The following AUTS2 variants were observed in gnomAD, a reference collection of about 807,000 sequenced individuals.
AUTS2 encodes the protein activator of transcription and developmental regulator AUTS2.
Under a neutral mutation model 112.4 loss-of-function variants are expected in AUTS2, and 17 were observed. The ratio of observed to expected loss-of-function variants is 0.15; its 90% CI spans 0.10 to 0.23. The LOEUF (loss-of-function observed/expected upper bound fraction) is 0.23. AUTS2 is among the 10% of genes least tolerant of loss of function. The pLI is 1.00. For missense variants in AUTS2, 1,510 were observed against 1,701.6 expected (o/e 0.89, Z 1.98); for synonymous variants, 751 against 702.7 (o/e 1.07, Z -1.09).
chr7:70,431,310 TTACAAAAATG>T (rs2130819415), intron 4 of AUTS2, among the ~76,000 whole-genome samples: 1 of 152,378 alleles, frequency 6.6e-6, no homozygotes, highest in East Asian at 1.9e-4. Flanking sequence ...CTGGAAAGAC[TTACAAAAATG>T]TATTAACAGT....
In AUTS2 at chr7:70,725,048, G is replaced by T. The variant is rs1328248349; in HGVS notation, c.742+26428G>T. ...TGTGTCTTAGAAATGAAGAACTATG[G>T]TACATTTATGTAGGATATGATATCA... On this transcript the variant is annotated intron_variant, in intron 6 of 18. Transcript: ENST00000342771. 2.6e-5 allele frequency among the ~76,000 whole-genome samples: 4 copies of T among 152,150 alleles called. No homozygotes were observed. In the East Asian group the frequency reaches 7.7e-4, roughly 29 times the overall value.
intron 4 of AUTS2, among the ~76,000 whole-genome samples, chr7:70,206,517 C>T (rs902128905): frequency 1.3e-5 from 2 of 152,108 alleles, no homozygotes; most frequent in Admixed American, 6.5e-5. Context: ...GGAATTTCAG[C>T]CTCTTAAGTA....
At chr7:69,715,626 A>G (rs1378853364) in intron 1 of AUTS2, among the ~76,000 whole-genome samples, 1 of 152,194 alleles carries the variant, frequency 6.6e-6, no homozygotes, top group Admixed American at 6.5e-5. Context: ...GAGTCAGCGT[A>G]GGCAGTCAAA....
intron 1 of AUTS2, among the ~76,000 whole-genome samples, chr7:69,731,469 A>G (rs1786790357): frequency 6.6e-6 from 1 of 152,174 alleles, no homozygotes; most frequent in African/African-American, 2.4e-5. Context: ...AAGAAAATGT[A>G]TGTGAAATAT....
At chr7:70,743,747 T>C (rs1369216053) in intron 6 of AUTS2, among the ~76,000 whole-genome samples, 1 of 152,142 alleles carries the variant, frequency 6.6e-6, no homozygotes. Flanking sequence ...GTGGGTCTTA[T>C]TTTGTTTACA....
At chr7:70,300,033 G>C (rs748121090) in intron 4 of AUTS2, among the ~76,000 whole-genome samples, 2 of 152,060 alleles carry the variant, frequency 1.3e-5, no homozygotes, top group Non-Finnish European at 2.9e-5. Context: ...TCATTTTATA[G>C]ATACACACAT....
chr7:70,785,841 C>G (rs995724835), intron 16 of AUTS2, 114 bp from the exon 17 acceptor site: 5 of 922,826 alleles, frequency 5.4e-6, no homozygotes, highest in Non-Finnish European at 6.8e-6. Context: ...TGGGACAGGC[C>G]AGGTGGGGGC....
chr7:69,848,914 A>G (rs916041600), intron 1 of AUTS2, among the ~76,000 whole-genome samples: 13 of 152,172 alleles, frequency 8.5e-5, no homozygotes, highest in Non-Finnish European at 1.6e-4. Flanking sequence ...TTGACTAAAT[A>G]ATCTTCAGAA....
chr7:70,457,002 A>C (rs1796767382), intron 5 of AUTS2, among the ~76,000 whole-genome samples: 1 of 152,316 alleles, frequency 6.6e-6, no homozygotes, highest in Non-Finnish European at 1.5e-5. Context: ...ACCCCCAAGC[A>C]GGTGCTTGAT....
At chr7:69,830,008 T>A (rs756269670) in intron 1 of AUTS2, among the ~76,000 whole-genome samples, 1 of 152,158 alleles carries the variant, frequency 6.6e-6, no homozygotes, top group Non-Finnish European at 1.5e-5. Flanking sequence ...AGTGATAGAC[T>A]GGATAAAGAA....
intron 1 of AUTS2, among the ~76,000 whole-genome samples, chr7:69,680,231 A>G (rs893298223): frequency 6.6e-6 from 1 of 152,242 alleles, no homozygotes; most frequent in Non-Finnish European, 1.5e-5. Flanking sequence ...ATTTATGAAT[A>G]CTTAAGTATG....
intron 1 of AUTS2, among the ~76,000 whole-genome samples, chr7:69,608,283 G>A (rs1792839946): frequency 6.6e-6 from 1 of 152,172 alleles, no homozygotes; most frequent in African/African-American, 2.4e-5. Context: ...CTGAGACTGA[G>A]TTTTAGTCAT....
intron 4 of AUTS2, among the ~76,000 whole-genome samples, chr7:70,380,375 G>A (rs1793312532): frequency 6.6e-6 from 1 of 152,172 alleles, no homozygotes; most frequent in African/African-American, 2.4e-5. Flanking sequence ...TGCATATGTT[G>A]GTTCTTATTT....
chr7:70,692,566 G>T (rs1313610386), intron 5 of AUTS2, among the ~76,000 whole-genome samples: 1 of 152,150 alleles, frequency 6.6e-6, no homozygotes, highest in East Asian at 1.9e-4. Context: ...CTTCTGAGAT[G>T]CCTTTTCTTT....
In AUTS2 at chr7:70,027,706, A is replaced by G. The variant is rs529916892; in HGVS notation, c.523-90426A>G. On this transcript the variant is annotated intron_variant, in intron 2 of 18. Transcript: ENST00000342771. ...TATTGACCTCAGAGAGTGAACTATC[A>G]TATAATAGAAATAGGATTATCATTA... 5.9e-5 allele frequency among the ~76,000 whole-genome samples: 9 copies of G among 152,326 alleles called. No individual in the cohort carries two copies. In the South Asian group the frequency reaches 1.9e-3, roughly 32 times the overall value.
chr7:69,768,242 G>A (rs879449478), intron 1 of AUTS2, among the ~76,000 whole-genome samples: 10 of 152,158 alleles, frequency 6.6e-5, no homozygotes, highest in Admixed American at 2.0e-4. Context: ...AGACTCTCAC[G>A]CTGGGTTGTG....
intron 5 of AUTS2, among the ~76,000 whole-genome samples, chr7:70,448,325 G>A (rs1245546127): frequency 2.0e-5 from 3 of 152,194 alleles, no homozygotes; most frequent in Non-Finnish European, 4.4e-5. Flanking sequence ...CAGACATAAA[G>A]TGAGTTGTAC....
intron 1 of AUTS2, among the ~76,000 whole-genome samples, chr7:69,818,711 T>G (rs949291426): frequency 6.6e-6 from 1 of 152,192 alleles, no homozygotes; most frequent in African/African-American, 2.4e-5. Context: ...TAGTCCTCTT[T>G]GCTTTGTGTT....
intron 2 of AUTS2, among the ~76,000 whole-genome samples, chr7:69,925,195 A>G (rs1584450144): frequency 1.3e-5 from 2 of 151,904 alleles, no homozygotes; most frequent in South Asian, 4.2e-4. Flanking sequence ...GAGTTTATTA[A>G]TTTTATTGAT....
Sources: allele counts gnomAD v4.1 joint callset (sites outside exome capture counted in the v4.1 genomes callset), GRCh38; gene constraint gnomAD v4.1.1; transcripts MANE v1.5; gene names NCBI Gene and HGNC (gene_info 2026-07-23, HGNC 2026-07-21).